The following ZNF723 variants were observed in gnomAD, a reference collection of about 807,000 sequenced individuals.
The protein encoded by ZNF723 is zinc finger protein 723.
In ZNF723, 5 loss-of-function variants were observed where a neutral mutation model predicts 9.4. The observed-to-expected ratio is 0.53, with a 90% confidence interval of 0.28 to 1.12. The LOEUF (loss-of-function observed/expected upper bound fraction) is 1.12. ZNF723 is among the 50% of genes most tolerant of loss of function. ZNF723 has a pLI of 0.10. For synonymous variants in ZNF723, 158 were observed against 168.8 expected, an observed-to-expected ratio of 0.94 and a Z score of 0.49; for missense variants, 450 against 501.5, an observed-to-expected ratio of 0.90 and a Z score of 0.98.
In ZNF723 at chr19:22,858,548, ACC is replaced by A; in HGVS notation, c.*116_*117del. On this transcript the variant is annotated 3_prime_UTR_variant, in exon 4 of 4. Coordinates refer to ENST00000600766, the MANE Select transcript of ZNF723 (RefSeq NM_001349726.2). ...TTTGGGAGGCCGAGGCGGGCAGATC[ACC>A]TGAGGTCAGGAGTTCGAGACCAACC... 5 of 555,662 alleles carry A rather than the reference ACC, an allele frequency of 9.0e-6. No homozygotes were observed. The highest frequency in any genetic ancestry group is 2.8e-5 in the South Asian group (1 of 36,038). The allele number at this position is 555,662 out of a possible 1,614,324, so 34.4% of individuals were successfully genotyped here. A position where few individuals can be genotyped will look rare whatever the true frequency, so the allele number is the denominator to read the frequency against.
intron 1 of ZNF723, among the ~76,000 whole-genome samples, chr19:22,844,953 T>C (rs1967289824): frequency 1.3e-5 from 2 of 151,936 alleles, no homozygotes; most frequent in South Asian, 4.2e-4. Context: ...CCATCTCTAC[T>C]AAAAATAGAA....
chr19:22,816,501 A>T, the ZNF723 span, among the ~76,000 whole-genome samples: 2 of 152,216 alleles, frequency 1.3e-5, no homozygotes, highest in Admixed American at 1.3e-4. Context: ...GACCCAACAT[A>T]CAGGAGGTGG....
At chr19:22,855,027 A>G (rs1275586826) in intron 3 of ZNF723, among the ~76,000 whole-genome samples, 1 of 152,052 alleles carries the variant, frequency 6.6e-6, no homozygotes, top group Non-Finnish European at 1.5e-5. Flanking sequence ...AGCCTGGGCA[A>G]CAAGATTGAA....
chr19:22,839,301 G>T (rs1406202123), intron 1 of ZNF723, among the ~76,000 whole-genome samples: 3 of 152,060 alleles, frequency 2.0e-5, no homozygotes, highest in Non-Finnish European at 4.4e-5. Context: ...ATTTCTTTGG[G>T]CATATACCCA....
the ZNF723 span, among the ~76,000 whole-genome samples, chr19:22,823,864 G>A: frequency 6.6e-6 from 1 of 152,174 alleles, no homozygotes; most frequent in African/African-American, 2.4e-5. Flanking sequence ...TCATATCACT[G>A]AGCCCAGCAC....
the ZNF723 span, among the ~76,000 whole-genome samples, chr19:22,820,451 T>A: frequency 6.6e-6 from 1 of 152,116 alleles, no homozygotes; most frequent in Non-Finnish European, 1.5e-5. Context: ...CCGGGTCCCT[T>A]CTCTCAGAGA....
At chr19:22,850,558 G>GA (rs766659475) in intron 3 of ZNF723, among the ~76,000 whole-genome samples, 37 of 151,580 alleles carry the variant, frequency 2.4e-4, no homozygotes, top group Non-Finnish European at 4.9e-4. Flanking sequence ...GAGTGCAATG[G>GA]CACGATCTTG....
rs144038231 is a variant in ZNF723, at chr19:22,851,032, TAATAA to T, written c.226+1741_226+1745del. Among the ~76,000 whole-genome samples the T allele has an allele frequency of 3.5e-3, 536 of 152,246 alleles. 3 individuals are homozygous for T. The highest frequency in any genetic ancestry group is 0.012 in the African/African-American group (515 of 41,574). ...TATAAATATTATCTTGTGTATCTAT[TAATAA>T]ATGTAGGCAGATTTAAGTGTTGTTT... On this transcript the variant is annotated intron_variant, in intron 3 of 3. Coordinates refer to ENST00000600766, the MANE Select transcript of ZNF723 (RefSeq NM_001349726.2).
At position 22,857,331 on chromosome 19, in the gene ZNF723, G is replaced by T; in HGVS notation, c.440G>T (p.Cys147Phe). The T allele has an allele frequency of 1.2e-6, 1 of 821,552 alleles. No individual in the cohort carries two copies. The highest frequency in any genetic ancestry group is 2.2e-6 in the Non-Finnish European group (1 of 459,504). 50.9% of individuals were successfully genotyped at this position (821,552 alleles called of 1,614,324 possible). A position where few individuals can be genotyped will look rare whatever the true frequency, so the allele number is the denominator to read the frequency against. The change falls in exon 4 of 4, where the codon TGT becomes TTT. Residue 147 changes from cysteine to phenylalanine, a missense_variant. Transcript: ENST00000600766. ...ACTACCCCGAGCAAAATATTTCAAT[G>T]TGATAAATATGTAAAAGTCTTTCAT... The part of the protein sequence containing the change: ...LTTTPSKIFQ[C>F]DKYVKVFHKF...
chr19:22,854,517 GA>G, intron 3 of ZNF723, among the ~76,000 whole-genome samples: 1 of 142,800 alleles, frequency 7.0e-6, no homozygotes, highest in South Asian at 2.1e-4. Flanking sequence ...ATAATTTTCT[GA>G]AACAAAAACT....
the ZNF723 span, among the ~76,000 whole-genome samples, chr19:22,825,435 C>T: frequency 1.3e-5 from 2 of 152,246 alleles, no homozygotes; most frequent in African/African-American, 4.8e-5. Flanking sequence ...GACCTATTTG[C>T]CTAGCATTTG....
the ZNF723 span, among the ~76,000 whole-genome samples, chr19:22,814,572 C>T: frequency 6.6e-6 from 1 of 152,182 alleles, no homozygotes; most frequent in Admixed American, 6.6e-5. Flanking sequence ...GAGATTGAGG[C>T]TTTCAAATAC....
chr19:22,841,949 GAGAC>G (rs1455281313), intron 1 of ZNF723, among the ~76,000 whole-genome samples: 1 of 152,166 alleles, frequency 6.6e-6, no homozygotes, highest in Non-Finnish European at 1.5e-5. Context: ...CAAACTCAGA[GAGAC>G]ATTAAAATGA....
At chr19:22,851,749 G>A (rs1175174555) in intron 3 of ZNF723, among the ~76,000 whole-genome samples, 1 of 151,934 alleles carries the variant, frequency 6.6e-6, no homozygotes, top group Non-Finnish European at 1.5e-5. Flanking sequence ...TTTTTGTCTT[G>A]TTTTTGAAGT....
chr19:22,837,521 G>T (rs1344420044), intron 1 of ZNF723, among the ~76,000 whole-genome samples: 1 of 152,066 alleles, frequency 6.6e-6, no homozygotes, highest in Non-Finnish European at 1.5e-5. Context: ...ATATCATGGA[G>T]GCCTGGCCTG....
chr19:22,837,014 A>G (rs1015233500), intron 1 of ZNF723, among the ~76,000 whole-genome samples: 2 of 152,036 alleles, frequency 1.3e-5, no homozygotes, highest in Non-Finnish European at 2.9e-5. Context: ...ACAGATGGGG[A>G]TGGCACGATT....
chr19:22,817,258 C>T, the ZNF723 span, among the ~76,000 whole-genome samples: 6 of 152,238 alleles, frequency 3.9e-5, no homozygotes, highest in African/African-American at 1.4e-4. Flanking sequence ...TCACTGGACC[C>T]GGCACCTAAG....
intron 1 of ZNF723, among the ~76,000 whole-genome samples, chr19:22,838,697 T>G (rs955663775): frequency 1.3e-5 from 2 of 151,972 alleles, no homozygotes; most frequent in East Asian, 3.9e-4. Context: ...GATATTTATA[T>G]ACTATATTTT....
intron 1 of ZNF723, among the ~76,000 whole-genome samples, chr19:22,835,550 C>A (rs1426941504): frequency 6.6e-6 from 1 of 152,032 alleles, no homozygotes; most frequent in Admixed American, 6.6e-5. Context: ...TTGTTTTTCC[C>A]AGAATGAGTT....
Sources: gnomAD v4.1 joint callset for allele counts (sites outside exome capture counted in the v4.1 genomes callset) on GRCh38, gnomAD v4.1.1 for gene constraint, MANE v1.5 for transcripts, NCBI Gene and HGNC (gene_info 2026-07-23, HGNC 2026-07-21) for gene names.